Variants in UBE2E2 observed in about 807,000 individuals in gnomAD.
UBE2E2 encodes the protein ubiquitin-conjugating enzyme E2 E2.
A neutral mutation model predicts 24.7 loss-of-function variants in UBE2E2; 6 were observed. That is an observed-to-expected ratio of 0.24 (90% CI 0.13 to 0.48). The LOEUF (loss-of-function observed/expected upper bound fraction) is 0.48. UBE2E2 is among the 20% of genes least tolerant of loss of function. The pLI, the probability that UBE2E2 is intolerant of heterozygous loss-of-function variation, is 0.99. For synonymous variants in UBE2E2, 104 were observed against 83.6 expected (o/e 1.24, Z -1.33); for missense variants, 169 against 245.0 (o/e 0.69, Z 2.07).
At chr3:23,563,348 G>A (rs544252897) in intron 5 of UBE2E2, among the ~76,000 whole-genome samples, 10 of 152,064 alleles carry the variant, frequency 6.6e-5, no homozygotes, top group African/African-American at 1.9e-4. Context: ...ATTCAGGAGC[G>A]GGTTGTTCAG....
At chr3:23,203,129 C>T (rs867749217), upstream of UBE2E2, 3 of 984,424 alleles carry the variant, frequency 3.0e-6, no homozygotes, top group South Asian at 4.6e-5. Context: ...CGCGGACGGC[C>T]GGGCGGCGGC....
chr3:23,274,325 C>T (rs1317687874), intron 3 of UBE2E2, among the ~76,000 whole-genome samples: 1 of 151,994 alleles, frequency 6.6e-6, no homozygotes, highest in Non-Finnish European at 1.5e-5. Flanking sequence ...CTCTTCCTTT[C>T]CCGACCCCCT....
rs968139871 is a variant in UBE2E2 at position 23,213,053 on chromosome 3, G to A, written c.176+4178G>A. On this transcript the variant is annotated intron_variant, in intron 2 of 5. Transcript: ENST00000396703. ...CTAGGTGATTCAATTGATTAGAGTA[G>A]GGGTTTTTAGGTTGACTGAGGAATG... Among the ~76,000 whole-genome samples, 3 of 152,162 alleles carry A rather than the reference G, an allele frequency of 2.0e-5. No individual in the cohort carries two copies. The East Asian group carries it at 5.8e-4, about 29-fold the overall frequency.
At chr3:23,355,130 C>G (rs556559430) in intron 3 of UBE2E2, among the ~76,000 whole-genome samples, 266 of 149,776 alleles carry the variant, frequency 1.8e-3, no homozygotes, top group Non-Finnish European at 3.0e-3. Context: ...ATCACAAGGA[C>G]AGAAAAACAA....
chr3:23,370,395 A>G (rs1696372265), intron 3 of UBE2E2, among the ~76,000 whole-genome samples: 1 of 152,198 alleles, frequency 6.6e-6, no homozygotes, highest in East Asian at 1.9e-4. Context: ...TTAACTAGAG[A>G]TAGTAATGTC....
chr3:23,514,680 T>G (rs565042133), intron 4 of UBE2E2, among the ~76,000 whole-genome samples: 4 of 151,942 alleles, frequency 2.6e-5, no homozygotes, highest in African/African-American at 9.7e-5. Context: ...GCAGACAAGT[T>G]TGAGAAAGCA....
chr3:23,374,170 C>T (rs1026817723), intron 3 of UBE2E2, among the ~76,000 whole-genome samples: 3 of 152,088 alleles, frequency 2.0e-5, no homozygotes, highest in African/African-American at 7.2e-5. Flanking sequence ...AATAAAATTA[C>T]ATGTTTAAAT....
intron 3 of UBE2E2, among the ~76,000 whole-genome samples, chr3:23,353,279 A>G (rs1695822224): frequency 6.6e-6 from 1 of 152,060 alleles, no homozygotes; most frequent in African/African-American, 2.4e-5. Context: ...AGCCAATATC[A>G]TACTGAATGG....
At chr3:23,461,863 T>A (rs1396330197) in intron 3 of UBE2E2, among the ~76,000 whole-genome samples, 1 of 152,170 alleles carries the variant, frequency 6.6e-6, no homozygotes, top group Non-Finnish European at 1.5e-5. Context: ...ACTATTCCAA[T>A]AAAACTGTTA....
intron 3 of UBE2E2, among the ~76,000 whole-genome samples, chr3:23,414,567 A>G (rs1041510149): frequency 6.6e-6 from 1 of 152,182 alleles, no homozygotes; most frequent in Non-Finnish European, 1.5e-5. Context: ...ACTATATCAC[A>G]TTGCAATGGT....
chr3:23,257,477 G>A (rs991145812), intron 3 of UBE2E2, among the ~76,000 whole-genome samples: 5 of 139,810 alleles, frequency 3.6e-5, no homozygotes, highest in Non-Finnish European at 6.1e-5. Context: ...TGCTTAAGAC[G>A]GGTTTAATAG....
intron 4 of UBE2E2, among the ~76,000 whole-genome samples, chr3:23,525,475 G>C (rs376298796): frequency 3.5e-4 from 53 of 152,128 alleles, no homozygotes; most frequent in Non-Finnish European, 5.3e-4. Flanking sequence ...TATCCAAGTC[G>C]TATTTTTAAA....
intron 3 of UBE2E2, among the ~76,000 whole-genome samples, chr3:23,384,085 T>C (rs891604044): frequency 3.3e-5 from 5 of 152,148 alleles, no homozygotes; most frequent in Admixed American, 6.6e-5. Flanking sequence ...AACCTTAAAC[T>C]CCTGGGCTCA....
intron 3 of UBE2E2, among the ~76,000 whole-genome samples, chr3:23,354,724 A>C (rs1481021151): frequency 1.3e-5 from 2 of 152,190 alleles, no homozygotes; most frequent in African/African-American, 2.4e-5. Flanking sequence ...AAAAGTCAGG[A>C]AGCAACAGGT....
chr3:23,376,177 A>G (rs1696516557), intron 3 of UBE2E2, among the ~76,000 whole-genome samples: 1 of 152,176 alleles, frequency 6.6e-6, no homozygotes, highest in South Asian at 2.1e-4. Context: ...AGTAGATTTC[A>G]GGTGGGCCAC....
chr3:23,357,622 C>T lies in UBE2E2; in HGVS notation c.227+140310C>T, dbSNP rs544284373. Among the ~76,000 whole-genome samples the T allele has an allele frequency of 3.3e-5, 5 of 152,180 alleles. No individual in the cohort carries two copies. The East Asian group carries it at 9.6e-4, about 29-fold the overall frequency. ...CCTTCCCATTAAATCCATTAATTCTCTATGGGAGCTCCATATCAGCAGCTT... is the reference window on the plus strand; with the variant it reads ...CCTTCCCATTAAATCCATTAATTCTTTATGGGAGCTCCATATCAGCAGCTT... On this transcript the variant is annotated intron_variant, in intron 3 of 5. Coordinates refer to ENST00000396703, the MANE Select transcript of UBE2E2 (RefSeq NM_152653.4).
intron 3 of UBE2E2, among the ~76,000 whole-genome samples, chr3:23,454,891 T>C (rs1698642627): frequency 6.6e-6 from 1 of 152,206 alleles, no homozygotes; most frequent in African/African-American, 2.4e-5. Flanking sequence ...TGTTAGGAAT[T>C]TTTTTTGTCT....
intron 3 of UBE2E2, among the ~76,000 whole-genome samples, chr3:23,411,569 T>C (rs746043846): frequency 6.6e-6 from 1 of 152,182 alleles, no homozygotes; most frequent in South Asian, 2.1e-4. Flanking sequence ...GAGGTCAAAT[T>C]TATATGTGCT....
At chr3:23,283,338 C>T (rs140475596) in intron 3 of UBE2E2, among the ~76,000 whole-genome samples, 2 of 152,218 alleles carry the variant, frequency 1.3e-5, no homozygotes, top group East Asian at 1.9e-4. Flanking sequence ...AAGCGTGAAC[C>T]CACTTACATA....
Sources: gnomAD v4.1 joint callset for allele counts (sites outside exome capture counted in the v4.1 genomes callset) on GRCh38, gnomAD v4.1.1 for gene constraint, MANE v1.5 for transcripts, NCBI Gene and HGNC (gene_info 2026-07-23, HGNC 2026-07-21) for gene names.